NRG1: variants seen among roughly 807,000 people sequenced by gnomAD.
NRG1 encodes the protein pro-neuregulin-1, membrane-bound isoform.
In NRG1, 18 loss-of-function variants were observed where a neutral mutation model predicts 63.8. The ratio of observed to expected loss-of-function variants is 0.28; its 90% CI spans 0.19 to 0.42. The LOEUF (loss-of-function observed/expected upper bound fraction) is 0.42. NRG1 is among the 10% of genes least tolerant of loss of function. NRG1 has a pLI of 1.00. For synonymous variants in NRG1, 302 were observed against 301.3 expected (o/e 1.00, Z -0.02); for missense variants, 762 against 814.7 (o/e 0.94, Z 0.79).
At position 32,387,024 on chromosome 8, in the gene NRG1, A is replaced by T. The variant is rs373398493; in HGVS notation, c.38-208804A>T. Among the ~76,000 whole-genome samples the T allele has an allele frequency of 2.5e-4, 38 of 152,326 alleles. No individual in the cohort carries two copies. In the East Asian group the frequency reaches 7.1e-3, roughly 29 times the overall value. ...GCTGAGAACCAGGAATATGGCCTGA[A>T]CAGTTGTGTGCTCTATCAGGAGAGA... On this transcript the variant is annotated intron_variant, in intron 1 of 10. Transcript: ENST00000519301.
chr8:31,921,467 T>TACACACACACAC (rs1189350008), intron 1 of NRG1, among the ~76,000 whole-genome samples: 1 of 82,092 alleles, frequency 1.2e-5, no homozygotes, highest in African/African-American at 5.6e-5. Flanking sequence ...TTTACACACA[T>TACACACACACAC]ACACACACAT....
intron 1 of NRG1, among the ~76,000 whole-genome samples, chr8:32,319,015 G>T (rs892264936): frequency 2.3e-4 from 35 of 152,102 alleles, no homozygotes; most frequent in Non-Finnish European, 4.0e-4. Flanking sequence ...ATGTAAAAAA[G>T]GCTTGCCAAC....
intron 1 of NRG1, among the ~76,000 whole-genome samples, chr8:32,054,798 C>T (rs113791526): frequency 0.022 from 3,248 of 149,174 alleles, 90 homozygotes; most frequent in African/African-American, 0.063. Flanking sequence ...CTCAGGTATA[C>T]CTAAACTTGG....
intron 1 of NRG1, among the ~76,000 whole-genome samples, chr8:31,780,287 G>A (rs975479696): frequency 8.5e-5 from 13 of 152,112 alleles, no homozygotes; most frequent in African/African-American, 2.4e-5. Flanking sequence ...ACTTGTTCTT[G>A]GCATTCTTTC....
chr8:32,227,425 A>G (rs764636438), intron 1 of NRG1, among the ~76,000 whole-genome samples: 5 of 152,160 alleles, frequency 3.3e-5, no homozygotes, highest in Non-Finnish European at 5.9e-5. Flanking sequence ...CATGTTTTTC[A>G]TGGATTATTT....
chr8:32,067,358 G>A (rs1586859302), intron 1 of NRG1, among the ~76,000 whole-genome samples: 1 of 152,036 alleles, frequency 6.6e-6, no homozygotes, highest in East Asian at 1.9e-4. Flanking sequence ...TTTGAGGTAC[G>A]TCCCATCAAT....
intron 1 of NRG1, among the ~76,000 whole-genome samples, chr8:32,121,729 G>A (rs1018673036): frequency 6.6e-6 from 1 of 151,960 alleles, no homozygotes; most frequent in African/African-American, 2.4e-5. Flanking sequence ...GAGAGAGAAA[G>A]AGAGAGAATT....
Position 31,685,020 on chromosome 8 carries a change from G to A in NRG1, c.37+45589G>A, listed in dbSNP as rs892805769. Among the ~76,000 whole-genome samples the A allele has an allele frequency of 5.3e-5, 8 of 152,096 alleles. No individual in the cohort carries two copies. The East Asian group carries it at 1.2e-3, about 22-fold the overall frequency. ...ACCCTGCACTGGATTAATCTCCTAC[G>A]TATTTTCATTCTAAAACTATGAGAT... On this transcript the variant is annotated intron_variant, in intron 1 of 10. Coordinates refer to the NRG1 transcript ENST00000519301.
At chr8:32,110,107 TA>T (rs1831812680) in intron 1 of NRG1, among the ~76,000 whole-genome samples, 1 of 152,210 alleles carries the variant, frequency 6.6e-6, no homozygotes, top group East Asian at 1.9e-4. Context: ...AAATGGTAGC[TA>T]TTTGATTGTT....
chr8:32,627,019 C>CA (rs1400293747), intron 5 of NRG1, among the ~76,000 whole-genome samples: 128 of 148,912 alleles, frequency 8.6e-4, no homozygotes, highest in African/African-American at 3.1e-3. Flanking sequence ...CACTCTATCT[C>CA]AAAAAAATAA....
At chr8:32,079,418 A>G (rs1424936225) in intron 1 of NRG1, among the ~76,000 whole-genome samples, 1 of 152,144 alleles carries the variant, frequency 6.6e-6, no homozygotes, top group Non-Finnish European at 1.5e-5. Context: ...TTTCACAGCA[A>G]CCCTCTGAAG....
chr8:32,409,159 G>A (rs1197325218), intron 1 of NRG1, among the ~76,000 whole-genome samples: 2 of 151,976 alleles, frequency 1.3e-5, no homozygotes, highest in African/African-American at 2.4e-5. Flanking sequence ...GGTGTCCTTT[G>A]ACTTATCAAA....
intron 1 of NRG1, among the ~76,000 whole-genome samples, chr8:32,248,132 A>G (rs904786284): frequency 6.6e-6 from 1 of 152,028 alleles, no homozygotes; most frequent in Non-Finnish European, 1.5e-5. Flanking sequence ...TTTTTTTCTT[A>G]ACAAAAACAT....
At position 32,561,933 on chromosome 8, in the gene NRG1, T is replaced by C. The variant is rs979409687; in HGVS notation, c.100+13107T>C. Among the ~76,000 whole-genome samples, 14 of 152,154 alleles carry C rather than the reference T, an allele frequency of 9.2e-5. 1 individual carries two copies. Among genetic ancestry groups the C allele is most frequent in the Admixed American group, 8.5e-4 (13 of 15,278 alleles). On this transcript the variant is annotated intron_variant, in intron 1 of 11. Coordinates refer to ENST00000356819, the Ensembl canonical transcript of NRG1. Reference sequence around the variant, plus strand: ...ATTATAAGATTATTTAGTCCTTTATTTGTGGGATTTGGCATCCTAAAAGAA... The same window carrying C: ...ATTATAAGATTATTTAGTCCTTTATCTGTGGGATTTGGCATCCTAAAAGAA...
In NRG1 at chr8:32,486,627, A is replaced by ATTTTTTTTTTTTTT. The variant is rs1554557143; in HGVS notation, c.38-109199_38-109186dup. On this transcript the variant is annotated intron_variant, in intron 1 of 10. Coordinates refer to the NRG1 transcript ENST00000519301. ...CCTCAAGAGGCTACAGAATTGCTGG[A>ATTTTTTTTTTTTTT]TTTTTTTTTTTTTTTGGAATGGAGT... 3.4e-3 allele frequency among the ~76,000 whole-genome samples: 501 copies of ATTTTTTTTTTTTTT among 145,394 alleles called. 6 individuals are homozygous for ATTTTTTTTTTTTTT. Among genetic ancestry groups the ATTTTTTTTTTTTTT allele is most frequent in the African/African-American group, 0.012 (476 of 38,788 alleles).
intron 3 of NRG1, among the ~76,000 whole-genome samples, chr8:32,608,092 G>GTTTTGTTTTGT: frequency 1.9e-5 from 2 of 106,198 alleles, no homozygotes; most frequent in East Asian, 7.7e-4. Context: ...GGTTTTTTTT[G>GTTTTGTTTTGT]TTTTTTTTTT....
At chr8:32,417,163 C>A (rs1196974138) in intron 1 of NRG1, among the ~76,000 whole-genome samples, 1 of 152,156 alleles carries the variant, frequency 6.6e-6, no homozygotes, top group Admixed American at 6.5e-5. Flanking sequence ...AAGCAACCAG[C>A]ACCGTTTTGA....
chr8:32,771,715 A>AAAATAT (rs1343943621), downstream of NRG1, among the ~76,000 whole-genome samples: 580 of 111,822 alleles, frequency 5.2e-3, 9 homozygotes, highest in African/African-American at 0.018. Context: ...TTAAAAAAAA[A>AAAATAT]ATATATATAT....
At chr8:32,735,338 T>G (rs1486338957) in intron 6 of NRG1, among the ~76,000 whole-genome samples, 3 of 152,214 alleles carry the variant, frequency 2.0e-5, no homozygotes, top group Admixed American at 6.5e-5. Context: ...GCTAGATTGA[T>G]TTAATTATTC....
Sources: allele counts gnomAD v4.1 joint callset (sites outside exome capture counted in the v4.1 genomes callset), GRCh38; gene constraint gnomAD v4.1.1; transcripts MANE v1.5; gene names NCBI Gene and HGNC (gene_info 2026-07-23, HGNC 2026-07-21).